TMEM117: variants seen among roughly 807,000 people sequenced by gnomAD.
TMEM117 encodes transmembrane protein 117.
In TMEM117, 27 loss-of-function variants were observed where a neutral mutation model predicts 52.4. That is an observed-to-expected ratio of 0.51 (90% CI 0.38 to 0.71). TMEM117 has a LOEUF of 0.71. TMEM117 is among the 30% of genes least tolerant of loss of function. TMEM117 has a pLI of 0.00. For missense variants in TMEM117, 556 were observed against 630.5 expected, an observed-to-expected ratio of 0.88 and a Z score of 1.26; for synonymous variants, 215 against 206.3, an observed-to-expected ratio of 1.04 and a Z score of -0.36.
At chr12:44,055,160 T>G (rs1947034724) in intron 3 of TMEM117, among the ~76,000 whole-genome samples, 1 of 152,196 alleles carries the variant, frequency 6.6e-6, no homozygotes, top group South Asian at 2.1e-4. Context: ...AAACTCTATT[T>G]TATTTAAAAA....
At chr12:44,201,290 G>A (rs139933814) in intron 4 of TMEM117, among the ~76,000 whole-genome samples, 18 of 152,156 alleles carry the variant, frequency 1.2e-4, no homozygotes, top group Non-Finnish European at 1.0e-4. Flanking sequence ...CTTGACACAC[G>A]CCAAAATCCT....
intron 4 of TMEM117, among the ~76,000 whole-genome samples, chr12:44,158,017 C>A (rs1207899153): frequency 6.6e-6 from 1 of 151,972 alleles, no homozygotes; most frequent in African/African-American, 2.4e-5. Context: ...TACTTTTAGT[C>A]CTGCTTATTT....
At chr12:43,840,956 G>A (rs979544409) in intron 1 of TMEM117, among the ~76,000 whole-genome samples, 1 of 152,054 alleles carries the variant, frequency 6.6e-6, no homozygotes, top group Non-Finnish European at 1.5e-5. Context: ...AACAGTTTTG[G>A]TTCTCTGGAT....
chr12:44,210,675 G>A (rs1358250574), intron 4 of TMEM117, among the ~76,000 whole-genome samples: 1 of 152,088 alleles, frequency 6.6e-6, no homozygotes, highest in Non-Finnish European at 1.5e-5. Flanking sequence ...TCTATAAGTG[G>A]GAGAGAACAG....
At chr12:44,159,917 G>A (rs1948876018) in intron 4 of TMEM117, among the ~76,000 whole-genome samples, 2 of 152,098 alleles carry the variant, frequency 1.3e-5, no homozygotes, top group South Asian at 4.1e-4. Flanking sequence ...TGACAGAGAA[G>A]GCACAGGAAC....
At chr12:44,257,853 G>A (rs748025592) in intron 5 of TMEM117, among the ~76,000 whole-genome samples, 2 of 151,972 alleles carry the variant, frequency 1.3e-5, no homozygotes, top group Admixed American at 6.6e-5. Flanking sequence ...TATATATTAT[G>A]CACATATGTT....
chr12:43,863,958 G>A (rs931182588), intron 2 of TMEM117, among the ~76,000 whole-genome samples: 5 of 152,194 alleles, frequency 3.3e-5, no homozygotes, highest in East Asian at 1.9e-4. Context: ...CTAGAGTTCC[G>A]GGTGGGCATG....
chr12:44,107,289 A>C (rs1947973509), intron 3 of TMEM117, among the ~76,000 whole-genome samples: 1 of 152,156 alleles, frequency 6.6e-6, no homozygotes, highest in South Asian at 2.1e-4. Context: ...TCCAGGGCTC[A>C]CAGTGTTAAA....
chr12:43,967,315 G>T (rs951831212), intron 3 of TMEM117, among the ~76,000 whole-genome samples: 1 of 152,042 alleles, frequency 6.6e-6, no homozygotes, highest in Admixed American at 6.6e-5. Context: ...GTGTAGAAAT[G>T]GGTTTCACAT....
At chr12:44,318,602 G>A (rs1180791668) in intron 6 of TMEM117, among the ~76,000 whole-genome samples, 1 of 152,158 alleles carries the variant, frequency 6.6e-6, no homozygotes, top group Non-Finnish European at 1.5e-5. Context: ...GGAAAGGTGG[G>A]GTGGCTCAGG....
chr12:44,200,721 A>G (rs191582881), intron 4 of TMEM117, among the ~76,000 whole-genome samples: 14 of 152,298 alleles, frequency 9.2e-5, no homozygotes, highest in African/African-American at 3.4e-4. Context: ...ACGGTCAACT[A>G]TGTTTCAAGA....
At chr12:44,164,555 A>G (rs1433706985) in intron 4 of TMEM117, among the ~76,000 whole-genome samples, 1 of 152,164 alleles carries the variant, frequency 6.6e-6, no homozygotes, top group African/African-American at 2.4e-5. Flanking sequence ...TACTTTCATG[A>G]GGGGCTGGAA....
rs184338484 is a variant in TMEM117 at position 44,074,418 on chromosome 12, A to G, written c.411-69107A>G. On this transcript the variant is annotated intron_variant, in intron 3 of 7. Transcript: ENST00000266534. ...TACCAGAAACAAATTAATAGCGCCT[A>G]TGGAAATTAAATTTACGAAGTCTCA... Among the ~76,000 whole-genome samples the G allele has an allele frequency of 2.3e-3, 349 of 152,286 alleles. 5 individuals are homozygous for G. Among genetic ancestry groups the G allele is most frequent in the African/African-American group, 8.1e-3 (335 of 41,588 alleles).
intron 3 of TMEM117, among the ~76,000 whole-genome samples, chr12:44,131,135 A>C (rs1418661748): frequency 6.6e-6 from 1 of 152,050 alleles, no homozygotes; most frequent in Non-Finnish European, 1.5e-5. Context: ...CTTATTTTCC[A>C]ATATATTTAT....
chr12:44,204,316 A>G (rs1949536056), intron 4 of TMEM117, among the ~76,000 whole-genome samples: 1 of 152,172 alleles, frequency 6.6e-6, no homozygotes, highest in Non-Finnish European at 1.5e-5. Context: ...CTCATTCACA[A>G]TAGCCTCAAA....
At chr12:44,089,376 C>A (rs1321078306) in intron 3 of TMEM117, among the ~76,000 whole-genome samples, 5 of 152,118 alleles carry the variant, frequency 3.3e-5, no homozygotes, top group African/African-American at 1.2e-4. Flanking sequence ...AATAAAGCCA[C>A]CACCCTGACA....
intron 3 of TMEM117, among the ~76,000 whole-genome samples, chr12:44,037,288 C>T (rs1001776127): frequency 6.6e-6 from 1 of 152,284 alleles, no homozygotes; most frequent in Non-Finnish European, 1.5e-5. Flanking sequence ...GTGTTCTTGA[C>T]GGCCTGGGAA....
At chr12:44,027,314 C>T (rs1946557582) in intron 3 of TMEM117, among the ~76,000 whole-genome samples, 1 of 151,694 alleles carries the variant, frequency 6.6e-6, no homozygotes, top group Non-Finnish European at 1.5e-5. Context: ...GCTGGGATTA[C>T]AAGCATTCAC....
chr12:43,925,061 C>T (rs1944756641), intron 2 of TMEM117, among the ~76,000 whole-genome samples: 1 of 152,146 alleles, frequency 6.6e-6, no homozygotes, highest in Non-Finnish European at 1.5e-5. Context: ...CATAGGGCAA[C>T]TTGATTGTCC....
Sources: allele counts gnomAD v4.1 joint callset (sites outside exome capture counted in the v4.1 genomes callset), GRCh38; gene constraint gnomAD v4.1.1; transcripts MANE v1.5; gene names NCBI Gene and HGNC (gene_info 2026-07-23, HGNC 2026-07-21).